Variants in NTM observed in about 807,000 individuals in gnomAD.
NTM encodes the protein neurotrimin.
A neutral mutation model predicts 42.1 loss-of-function variants in NTM; 13 were observed. That is an observed-to-expected ratio of 0.31 (90% CI 0.20 to 0.49). NTM has a LOEUF of 0.49. Ranked by LOEUF, NTM falls within the 20% of genes least tolerant of loss-of-function variation. NTM has a pLI of 0.99. For missense variants in NTM, 373 were observed against 452.8 expected (o/e 0.82, Z 1.60); for synonymous variants, 187 against 179.2 (o/e 1.04, Z -0.35).
chr11:132,168,684 G>A (rs1032962694), intron 3 of NTM, among the ~76,000 whole-genome samples: 1 of 152,086 alleles, frequency 6.6e-6, no homozygotes, highest in Non-Finnish European at 1.5e-5. Flanking sequence ...ATAAATTCTG[G>A]GCTGATACTT....
intron 1 of NTM, among the ~76,000 whole-genome samples, chr11:131,545,228 C>CAGAGTATCTGCAA (rs963001416): frequency 1.3e-5 from 2 of 152,076 alleles, no homozygotes; most frequent in African/African-American, 4.8e-5. Context: ...CAGGTATAAC[C>CAGAGTATCTGCAA]AGAATGGCTT....
intron 2 of NTM, among the ~76,000 whole-genome samples, chr11:131,939,657 ATCTT>A (rs2059591881): frequency 6.6e-6 from 1 of 152,120 alleles, no homozygotes; most frequent in Admixed American, 6.5e-5. Flanking sequence ...TGTTTTGTAA[ATCTT>A]TCTTCTCTTA....
intron 1 of NTM, among the ~76,000 whole-genome samples, chr11:131,689,604 A>G (rs2134993739): frequency 6.6e-6 from 1 of 152,332 alleles, no homozygotes; most frequent in Admixed American, 6.5e-5. Context: ...TTCTGAGGAC[A>G]GGTGGAGGTG....
At chr11:131,690,867 C>A (rs1565430209) in intron 1 of NTM, among the ~76,000 whole-genome samples, 1 of 152,210 alleles carries the variant, frequency 6.6e-6, no homozygotes, top group Non-Finnish European at 1.5e-5. Context: ...GTCCTGTCCA[C>A]CCCGTCACTT....
chr11:132,045,194 T>C (rs35126921), intron 2 of NTM, among the ~76,000 whole-genome samples: 4,169 of 152,324 alleles, frequency 0.027, 79 homozygotes, highest in Middle Eastern at 0.1. Flanking sequence ...GATACAGTGC[T>C]TTTGTGATAA....
chr11:131,745,721 T>C (rs2081740473), intron 1 of NTM, among the ~76,000 whole-genome samples: 1 of 151,694 alleles, frequency 6.6e-6, no homozygotes, highest in African/African-American at 2.4e-5. Flanking sequence ...TAGTAGGTGG[T>C]GAGAAAAAAA....
intron 1 of NTM, among the ~76,000 whole-genome samples, chr11:131,500,461 A>C (rs1366951819): frequency 1.3e-5 from 2 of 150,772 alleles, no homozygotes; most frequent in African/African-American, 4.9e-5. Flanking sequence ...AAGTATGCTG[A>C]CTATTACCTT....
At chr11:131,654,119 C>T (rs2134373934) in intron 1 of NTM, among the ~76,000 whole-genome samples, 1 of 152,300 alleles carries the variant, frequency 6.6e-6, no homozygotes, top group African/African-American at 2.4e-5. Context: ...TGTTCCTGTC[C>T]TCAGGAGGAG....
At chr11:131,912,957 A>G (rs549854230) in intron 2 of NTM, among the ~76,000 whole-genome samples, 2 of 152,324 alleles carry the variant, frequency 1.3e-5, no homozygotes, top group South Asian at 4.1e-4. Context: ...CAGGGCTACA[A>G]GCATCCAGTG....
At position 132,002,033 on chromosome 11, in the gene NTM, A is replaced by T. The variant is rs759304777; in HGVS notation, c.167+90385A>T. Among the ~76,000 whole-genome samples, 1 of 152,176 alleles carries T rather than the reference A, an allele frequency of 6.6e-6. No individual in the cohort carries two copies. Among genetic ancestry groups the T allele is most frequent in the Non-Finnish European group, 1.5e-5 (1 of 68,036 alleles). On this transcript the variant is annotated intron_variant, in intron 2 of 8. Transcript: ENST00000683400. This position sits in a 1 kb window ranked among gnomAD's most constrained non-coding sequence, Gnocchi z 4.5. Reference sequence around the variant, plus strand: ...AACTTGAATAAAAGCAATGGCAGGGACAGCCAAAGAGGAATCAGAATCAGT... The same window carrying T: ...AACTTGAATAAAAGCAATGGCAGGGTCAGCCAAAGAGGAATCAGAATCAGT...
chr11:131,800,030 G>A (rs750449350), intron 1 of NTM, among the ~76,000 whole-genome samples: 4 of 152,142 alleles, frequency 2.6e-5, no homozygotes, highest in Non-Finnish European at 5.9e-5. Flanking sequence ...TGGACATAAA[G>A]CACCTGGTGT....
rs199824869 is a variant in NTM at position 131,664,753 on chromosome 11, GTTTTTTTTT to G, written c.83-246793_83-246785del. Among the ~76,000 whole-genome samples, 207 of 112,884 alleles carry G rather than the reference GTTTTTTTTT, an allele frequency of 1.8e-3. 2 individuals carry two copies. Among genetic ancestry groups the G allele is most frequent in the African/African-American group, 6.4e-3 (192 of 29,884 alleles). 74.1% of individuals were successfully genotyped at this position (112,884 alleles called of 152,430 possible). ...AAGGGGGCCACTGCTCTCTTCCATTGTTTTTTTTTTTTTTTTTTTTTTTTTTAGATTTTA... is the reference window on the plus strand; with the variant it reads ...AAGGGGGCCACTGCTCTCTTCCATTGTTTTTTTTTTTTTTTTTAGATTTTA... On this transcript the variant is annotated intron_variant, in intron 1 of 8. Coordinates refer to ENST00000683400, the MANE Select transcript of NTM (RefSeq NM_001352005.2).
intron 1 of NTM, among the ~76,000 whole-genome samples, chr11:131,579,997 A>C (rs1330947037): frequency 6.6e-6 from 1 of 152,160 alleles, no homozygotes; most frequent in Non-Finnish European, 1.5e-5. Flanking sequence ...AGCAAGCTGT[A>C]GTTCTCTGCC....
intron 3 of NTM, among the ~76,000 whole-genome samples, chr11:132,163,748 A>G (rs1463853963): frequency 2.0e-5 from 3 of 152,234 alleles, no homozygotes; most frequent in Non-Finnish European, 4.4e-5. Context: ...GTAGAGACAG[A>G]AGCCTCCTTG....
intron 1 of NTM, among the ~76,000 whole-genome samples, chr11:131,804,250 C>T (rs961929777): frequency 6.6e-6 from 1 of 152,136 alleles, no homozygotes; most frequent in Non-Finnish European, 1.5e-5. Flanking sequence ...CAACTCTGAC[C>T]CTCACACTTT....
At chr11:131,897,042 A>G (rs1245839097) in intron 1 of NTM, 1 of 152,216 alleles carries the variant, frequency 6.6e-6, no homozygotes, top group Non-Finnish European at 1.5e-5. Context: ...TCTGGCAGGC[A>G]TTTGACGTCC....
intron 2 of NTM, among the ~76,000 whole-genome samples, chr11:132,069,734 G>A (rs28603157): frequency 0.1 from 15,059 of 145,518 alleles, no homozygotes; most frequent in Non-Finnish European, 0.12. Context: ...GACCATCACA[G>A]GTTAGTTAAC....
intron 1 of NTM, among the ~76,000 whole-genome samples, chr11:131,683,950 G>T (rs1236177450): frequency 6.6e-6 from 1 of 152,178 alleles, no homozygotes; most frequent in African/African-American, 2.4e-5. Context: ...CGTTCTGAAG[G>T]GCAGGCGGTG....
At chr11:132,001,674 A>T (rs1051394318) in intron 2 of NTM, among the ~76,000 whole-genome samples, 1 of 152,070 alleles carries the variant, frequency 6.6e-6, no homozygotes, top group East Asian at 1.9e-4. Context: ...TTACCCAAAC[A>T]TCTCCCACCA....
Sources: gnomAD v4.1 joint callset for allele counts (sites outside exome capture counted in the v4.1 genomes callset) on GRCh38, gnomAD v4.1.1 for gene constraint, Gnocchi (gnomAD v3.1) non-coding constraint, MANE v1.5 for transcripts, NCBI Gene and HGNC (gene_info 2026-07-23, HGNC 2026-07-21) for gene names.